Variants in PKIB observed in about 807,000 individuals in gnomAD.
The protein encoded by PKIB is PKI-beta.
Under a neutral mutation model 4.5 loss-of-function variants are expected in PKIB, and 2 were observed. The observed-to-expected ratio is 0.44, with a 90% confidence interval of 0.18 to 1.39. The LOEUF is 1.39. Among genes scored for constraint, PKIB ranks in the 40% most tolerant of loss-of-function variants. PKIB has a pLI of 0.27. For synonymous variants in PKIB, 38 were observed against 36.0 expected, an observed-to-expected ratio of 1.06 and a Z score of -0.20; for missense variants, 94 against 92.6, an observed-to-expected ratio of 1.02 and a Z score of -0.06.
intron 2 of PKIB, among the ~76,000 whole-genome samples, chr6:122,499,180 C>T (rs155460): frequency 0.81 from 122,785 of 152,092 alleles, 49,765 homozygotes; most frequent in South Asian, 0.92. Flanking sequence ...TTCCAAAAAA[C>T]TGAGGAACAG....
chr6:122,553,478 C>CTTTTTTTTTTTTTTTTTTTT (rs1562249215), intron 2 of PKIB, among the ~76,000 whole-genome samples: 1 of 48,928 alleles, frequency 2.0e-5, no homozygotes, highest in African/African-American at 1.2e-4. Context: ...GCTCAAATAT[C>CTTTTTTTTTTTTTTTTTTTT]TTCTTTTTTT....
chr6:122,540,536 G>T (rs1328290335), intron 2 of PKIB, among the ~76,000 whole-genome samples: 2 of 151,974 alleles, frequency 1.3e-5, no homozygotes, highest in Non-Finnish European at 2.9e-5. Flanking sequence ...TTGCACTGTG[G>T]TCTGAGAGAC....
At chr6:122,574,812 G>T (rs898785588) in intron 2 of PKIB, among the ~76,000 whole-genome samples, 9 of 152,188 alleles carry the variant, frequency 5.9e-5, no homozygotes, top group African/African-American at 2.2e-4. Flanking sequence ...GATAACATCA[G>T]AAAACTCTTC....
At chr6:122,688,972 G>A (rs1176543749) in intron 3 of PKIB, among the ~76,000 whole-genome samples, 1 of 151,678 alleles carries the variant, frequency 6.6e-6, no homozygotes, top group African/African-American at 2.4e-5. Context: ...TAGTAGAGAC[G>A]GGGTTTCACC....
intron 3 of PKIB, among the ~76,000 whole-genome samples, chr6:122,599,317 C>T (rs1774282120): frequency 6.6e-6 from 1 of 152,128 alleles, no homozygotes; most frequent in Non-Finnish European, 1.5e-5. Context: ...TTCAGTATCC[C>T]CAGCTTTATC....
chr6:122,647,217 A>C (rs1323929312), intron 2 of PKIB, among the ~76,000 whole-genome samples: 2 of 152,220 alleles, frequency 1.3e-5, no homozygotes, highest in Non-Finnish European at 2.9e-5. Flanking sequence ...GAAAAACCTC[A>C]GTTCTGCTGT....
intron 3 of PKIB, among the ~76,000 whole-genome samples, chr6:122,602,317 G>T (rs779459727): frequency 6.6e-6 from 1 of 152,124 alleles, no homozygotes; most frequent in Non-Finnish European, 1.5e-5. Context: ...TCAAGTGGTT[G>T]GGAATGGGAA....
intron 2 of PKIB, among the ~76,000 whole-genome samples, chr6:122,540,859 G>A (rs1441366505): frequency 6.7e-6 from 1 of 150,358 alleles, no homozygotes; most frequent in Non-Finnish European, 1.5e-5. Context: ...ATGAATCTGG[G>A]TGCTCCTGTA....
intron 1 of PKIB, among the ~76,000 whole-genome samples, chr6:122,473,898 TGAGGCGGGCAGATCACCTGAGGTCAG>T (rs761305246): frequency 6.6e-6 from 1 of 152,230 alleles, no homozygotes; most frequent in Non-Finnish European, 1.5e-5. Context: ...TTTAGGTGGC[TGAGGCGGGCAGATCACCTGAGGTCAG>T]GAGTTCCAGA....
At chr6:122,610,960 A>C (rs912488976) in intron 1 of PKIB, among the ~76,000 whole-genome samples, 1 of 152,220 alleles carries the variant, frequency 6.6e-6, no homozygotes, top group Non-Finnish European at 1.5e-5. Context: ...CGGGGTTAGC[A>C]GAGACCCGAG....
chr6:122,713,792 G>T (rs1315098753), intron 3 of PKIB, among the ~76,000 whole-genome samples: 1 of 152,136 alleles, frequency 6.6e-6, no homozygotes, highest in Non-Finnish European at 1.5e-5. Context: ...TAAAGAGGTA[G>T]AGAAAAAGGT....
At chr6:122,691,255 C>A (rs1482719249) in intron 3 of PKIB, among the ~76,000 whole-genome samples, 1 of 152,004 alleles carries the variant, frequency 6.6e-6, no homozygotes, top group African/African-American at 2.4e-5. Flanking sequence ...TTTTCATTAT[C>A]TTTTTGAATA....
At chr6:122,475,264 A>G (rs1035061952) in intron 1 of PKIB, among the ~76,000 whole-genome samples, 1 of 152,192 alleles carries the variant, frequency 6.6e-6, no homozygotes, top group African/African-American at 2.4e-5. Context: ...TTGAGAGAAT[A>G]CTAAAAATAA....
At chr6:122,488,204 A>T (rs1030621661) in intron 2 of PKIB, among the ~76,000 whole-genome samples, 22 of 151,676 alleles carry the variant, frequency 1.5e-4, no homozygotes, top group African/African-American at 5.3e-4. Context: ...TTTTTCTTTC[A>T]TATATATATA....
At chr6:122,524,731 C>A (rs1455232264) in intron 2 of PKIB, among the ~76,000 whole-genome samples, 1 of 151,846 alleles carries the variant, frequency 6.6e-6, no homozygotes, top group Non-Finnish European at 1.5e-5. Flanking sequence ...AGGAATTTAT[C>A]CATTTCTTTT....
intron 2 of PKIB, among the ~76,000 whole-genome samples, chr6:122,486,673 C>G (rs1300301195): frequency 6.6e-6 from 1 of 151,998 alleles, no homozygotes; most frequent in Non-Finnish European, 1.5e-5. Flanking sequence ...CAAGTTCTAA[C>G]ATTTCTGCTT....
rs143959870 is a variant in PKIB, at chr6:122,705,726, C to T, written c.-8-12061C>T. ...GATTACAGGCACATGCCACCACGCC[C>T]AGCTAATTTTTTGTATTTTTAGTAG... On this transcript the variant is annotated intron_variant, in intron 3 of 4. Transcript: ENST00000368452. Among the ~76,000 whole-genome samples the T allele has an allele frequency of 9.1e-3, 1,387 of 151,992 alleles. 22 individuals carry two copies. Among genetic ancestry groups the T allele is most frequent in the African/African-American group, 0.032 (1,311 of 41,454 alleles).
At chr6:122,594,211 CTT>C (rs79586746) in intron 3 of PKIB, among the ~76,000 whole-genome samples, 4 of 142,626 alleles carry the variant, frequency 2.8e-5, no homozygotes, top group Non-Finnish European at 3.1e-5. Context: ...AAAATTAAGA[CTT>C]TTTTTTTTTT....
chr6:122,532,044 A>G (rs1225457358), intron 2 of PKIB, among the ~76,000 whole-genome samples: 5 of 152,132 alleles, frequency 3.3e-5, no homozygotes. Flanking sequence ...CGCCTCCATA[A>G]ATGTTTGCTG....
Sources: gnomAD v4.1 joint callset for allele counts (sites outside exome capture counted in the v4.1 genomes callset) on GRCh38, gnomAD v4.1.1 for gene constraint, MANE v1.5 for transcripts, NCBI Gene and HGNC (gene_info 2026-07-23, HGNC 2026-07-21) for gene names.